CSMD1: variants seen among roughly 807,000 people sequenced by gnomAD.
CSMD1 encodes the protein CUB and Sushi multiple domains 1, also known as CUB and sushi domain-containing protein 1.
Under a neutral mutation model 417.5 loss-of-function variants are expected in CSMD1, and 213 were observed. The ratio of observed to expected loss-of-function variants is 0.51; its 90% confidence interval spans 0.46 to 0.57. The LOEUF (loss-of-function observed/expected upper bound fraction) is 0.57. CSMD1 is among the 20% of genes least tolerant of loss of function. The pLI is 0.00. For synonymous variants in CSMD1, 2,862 were observed against 1,736.8 expected, an observed-to-expected ratio of 1.65 and a Z score of -16.11; for missense variants, 6,923 against 4,529.7, an observed-to-expected ratio of 1.53 and a Z score of -15.17.
rs10105266 is a variant in CSMD1 at position 3,394,323 on chromosome 8, G to A, written c.2593+1871C>T. ...ATTATAATATTAGTGAGGATGACAAGCTAAATAGAAATTTATGAAATGACT... is the reference window on the plus strand; with the variant it reads ...ATTATAATATTAGTGAGGATGACAAACTAAATAGAAATTTATGAAATGACT... On this transcript the variant is annotated intron_variant, in intron 17 of 69. Coordinates refer to ENST00000635120, the MANE Select transcript of CSMD1 (RefSeq NM_033225.6). 8.0e-3 allele frequency among the ~76,000 whole-genome samples: 1,199 copies of A among 149,144 alleles called. 11 individuals are homozygous for A. The highest frequency in any genetic ancestry group is 0.028 in the African/African-American group (1,132 of 40,838).
intron 5 of CSMD1, among the ~76,000 whole-genome samples, chr8:3,948,709 T>C (rs993144041): frequency 3.9e-5 from 6 of 152,132 alleles, no homozygotes; most frequent in Non-Finnish European, 8.8e-5. Flanking sequence ...TAATAATGAA[T>C]AAAACCAACA....
chr8:3,269,574 G>A (rs939277146), intron 26 of CSMD1, among the ~76,000 whole-genome samples: 1 of 152,140 alleles, frequency 6.6e-6, no homozygotes, highest in Non-Finnish European at 1.5e-5. Flanking sequence ...CACTATTTAC[G>A]GAGAAATCAA....
At chr8:3,732,096 C>G (rs1484992052) in intron 6 of CSMD1, among the ~76,000 whole-genome samples, 1 of 152,104 alleles carries the variant, frequency 6.6e-6, no homozygotes, top group Non-Finnish European at 1.5e-5. Flanking sequence ...TGGATGCCAC[C>G]AGGGAAAGGA....
chr8:4,926,089 ATTG>A (rs753915488), intron 1 of CSMD1, among the ~76,000 whole-genome samples: 1 of 152,222 alleles, frequency 6.6e-6, no homozygotes, highest in African/African-American at 2.4e-5. Context: ...ATTCTTTTGA[ATTG>A]TTTTTATTAA....
At chr8:4,227,564 A>C (rs530421600) in intron 3 of CSMD1, among the ~76,000 whole-genome samples, 11 of 152,192 alleles carry the variant, frequency 7.2e-5, no homozygotes, top group African/African-American at 2.4e-4. Flanking sequence ...AAGCATAATT[A>C]TTCAGAAGAG....
At chr8:2,985,373 A>G (rs529817338) in intron 54 of CSMD1, among the ~76,000 whole-genome samples, 1 of 151,894 alleles carries the variant, frequency 6.6e-6, no homozygotes, top group African/African-American at 2.4e-5. Flanking sequence ...GAGGCAGGAG[A>G]CTGTGGTGTG....
chr8:3,416,302 CAAAAA>C (rs11358404), intron 12 of CSMD1, among the ~76,000 whole-genome samples: 1 of 58,896 alleles, frequency 1.7e-5, no homozygotes, highest in African/African-American at 6.7e-5. Context: ...GACTCCGTCT[CAAAAA>C]AAAAAAAAAA....
At chr8:3,160,185 G>A (rs1380402303) in intron 38 of CSMD1, among the ~76,000 whole-genome samples, 6 of 152,058 alleles carry the variant, frequency 3.9e-5, no homozygotes, top group Admixed American at 3.9e-4. Flanking sequence ...GTGCAGTGGT[G>A]CAATCTCGGC....
intron 5 of CSMD1, among the ~76,000 whole-genome samples, chr8:3,797,225 C>A (rs567205577): frequency 5.3e-5 from 8 of 151,930 alleles, no homozygotes; most frequent in Admixed American, 2.0e-4. Context: ...AGAACTTCAA[C>A]CATCTCTATT....
intron 1 of CSMD1, among the ~76,000 whole-genome samples, chr8:4,771,687 C>T (rs553011015): frequency 6.6e-6 from 1 of 152,306 alleles, no homozygotes; most frequent in South Asian, 2.1e-4. Flanking sequence ...AAAAACTTCA[C>T]CCGTGTCCCC....
intron 25 of CSMD1, among the ~76,000 whole-genome samples, chr8:3,305,528 G>C (rs892339936): frequency 1.3e-5 from 2 of 152,036 alleles, no homozygotes; most frequent in African/African-American, 2.4e-5. Flanking sequence ...CCTGATAAAA[G>C]GTTAAGCTTG....
intron 56 of CSMD1, 27 bp from the exon 57 acceptor site, chr8:2,973,326 T>G (rs759635922): frequency 6.2e-7 from 1 of 1,604,842 alleles, no homozygotes; most frequent in Non-Finnish European, 8.5e-7. Flanking sequence ...CATACGGCAA[T>G]CCACAATTGT....
rs150998761 is a variant in CSMD1, at chr8:4,109,377, T to C, written c.416-77278A>G. Among the ~76,000 whole-genome samples the C allele has an allele frequency of 7.3e-3, 1,115 of 152,276 alleles. 14 individuals carry two copies. The highest frequency in any genetic ancestry group is 0.012 in the Non-Finnish European group (823 of 68,014). On this transcript the variant is annotated intron_variant, in intron 3 of 69. Transcript: ENST00000635120. Reference sequence around the variant, plus strand: ...TCTTATTTCATAGATTTACTGGGCATATAATATAGTGACCTAGCAAAAATA... The same window carrying C: ...TCTTATTTCATAGATTTACTGGGCACATAATATAGTGACCTAGCAAAAATA...
intron 3 of CSMD1, among the ~76,000 whole-genome samples, chr8:4,077,279 C>CTATATATATATATATGTGTATATATATA (rs1585262664): frequency 3.2e-4 from 30 of 94,990 alleles, no homozygotes; most frequent in Admixed American, 5.2e-4. Flanking sequence ...CATTTGTCAC[C>CTATATATATATATATGTGTATATATATA]TATATATATA....
chr8:4,233,161 T>G (rs1279503931), intron 3 of CSMD1, among the ~76,000 whole-genome samples: 1 of 152,232 alleles, frequency 6.6e-6, no homozygotes, highest in Non-Finnish European at 1.5e-5. Flanking sequence ...GACATGCATT[T>G]TAATAGAAGC....
At chr8:3,393,408 A>G (rs1467529605) in intron 17 of CSMD1, among the ~76,000 whole-genome samples, 1 of 152,144 alleles carries the variant, frequency 6.6e-6, no homozygotes, top group Non-Finnish European at 1.5e-5. Context: ...ACTCTCACAC[A>G]ATTATCACTG....
At chr8:4,280,255 A>G (rs983860979) in intron 3 of CSMD1, among the ~76,000 whole-genome samples, 39 of 152,236 alleles carry the variant, frequency 2.6e-4, no homozygotes, top group African/African-American at 8.9e-4. Flanking sequence ...AGCTTTGTAT[A>G]TTGCAGTATT....
intron 1 of CSMD1, among the ~76,000 whole-genome samples, chr8:4,948,881 T>C (rs1808547262): frequency 6.6e-6 from 1 of 152,144 alleles, no homozygotes; most frequent in Non-Finnish European, 1.5e-5. Flanking sequence ...CGATTTTAGA[T>C]AAAAGACCAT....
intron 5 of CSMD1, among the ~76,000 whole-genome samples, chr8:3,767,206 C>T (rs1432351656): frequency 6.6e-6 from 1 of 152,212 alleles, no homozygotes; most frequent in African/African-American, 2.4e-5. Context: ...AAGTTCATTC[C>T]ATGCACAGGC....
Sources: allele counts gnomAD v4.1 joint callset (sites outside exome capture counted in the v4.1 genomes callset), GRCh38; gene constraint gnomAD v4.1.1; transcripts MANE v1.5; gene names NCBI Gene and HGNC (gene_info 2026-07-23, HGNC 2026-07-21).